Variants in DEPDC5 observed in about 807,000 individuals in gnomAD.
The protein encoded by DEPDC5 is DEP domain containing 5, GATOR1 subcomplex subunit.
Under a neutral mutation model 217.3 loss-of-function variants are expected in DEPDC5, and 73 were observed. That is an observed-to-expected ratio of 0.34 (90% confidence interval 0.28 to 0.41). DEPDC5 has a LOEUF of 0.41. DEPDC5 is among the 10% of genes least tolerant of loss of function. The pLI, the probability that DEPDC5 is intolerant of heterozygous loss-of-function variation, is 1.00. For missense variants in DEPDC5, 1,675 were observed against 2,070.1 expected (o/e 0.81, Z 3.70); for synonymous variants, 733 against 756.7 (o/e 0.97, Z 0.51).
chr22:31,802,879 A>G (rs2087030845), intron 15 of DEPDC5, 41 bp downstream of exon 15: 1 of 1,542,728 alleles, frequency 6.5e-7, no homozygotes, highest in Non-Finnish European at 8.8e-7. Flanking sequence ...ACATGTTCCT[A>G]GCCTGATTTC....
intron 9 of DEPDC5, 178 bp from the exon 10 acceptor site, chr22:31,784,636 A>G: frequency 4.3e-6 from 2 of 461,150 alleles, no homozygotes; most frequent in Non-Finnish European, 3.8e-6. Flanking sequence ...AAAAAAAAAA[A>G]GATGTACAAA....
intron 33 of DEPDC5, among the ~76,000 whole-genome samples, chr22:31,863,075 G>GGTGT (rs1185106624): frequency 6.6e-6 from 1 of 151,946 alleles, no homozygotes; most frequent in East Asian, 1.9e-4. Flanking sequence ...GTCAACTCCT[G>GGTGT]GTGTCAAGTG....
chr22:31,855,704 G>T (rs766832309), intron 31 of DEPDC5, among the ~76,000 whole-genome samples: 4 of 152,096 alleles, frequency 2.6e-5, no homozygotes. Context: ...ATGTGGGTAG[G>T]CAGGGTGTAT....
At chr22:31,879,468 A>G (rs1569185321) in intron 37 of DEPDC5, 57 bp from the exon 38 acceptor site, 2 of 1,520,576 alleles carry the variant, frequency 1.3e-6, no homozygotes, top group East Asian at 2.3e-5. Context: ...AGCATGCATC[A>G]TGAAGAAAAT....
At chr22:31,868,438 A>T (rs929015794) in intron 33 of DEPDC5, among the ~76,000 whole-genome samples, 4 of 151,798 alleles carry the variant, frequency 2.6e-5, no homozygotes, top group African/African-American at 9.7e-5. Context: ...TTATTTATTT[A>T]TTTTTTTGAG....
intron 25 of DEPDC5, among the ~76,000 whole-genome samples, chr22:31,835,299 G>A (rs1373031248): frequency 3.3e-5 from 5 of 152,152 alleles, no homozygotes; most frequent in South Asian, 2.1e-4. Flanking sequence ...CCCTGTCACC[G>A]GAGTTTGTTA....
chr22:31,859,692 C>T (rs994872391), intron 32 of DEPDC5, among the ~76,000 whole-genome samples: 5 of 152,198 alleles, frequency 3.3e-5, no homozygotes, highest in African/African-American at 7.2e-5. Context: ...CATGCGCAGC[C>T]GTAAAAACCA....
chr22:31,811,583 T>C (rs1568980863), intron 20 of DEPDC5, among the ~76,000 whole-genome samples: 1 of 151,820 alleles, frequency 6.6e-6, no homozygotes. Flanking sequence ...AGGATCTCCT[T>C]CTGTCACCCA....
chr22:31,782,861 G>A (rs2084590334), intron 8 of DEPDC5, among the ~76,000 whole-genome samples: 2 of 152,178 alleles, frequency 1.3e-5, no homozygotes, highest in Non-Finnish European at 2.9e-5. Context: ...TCTGAAACAG[G>A]GCTCAGAGTT....
rs140111109 is a variant in DEPDC5 at position 31,801,532 on chromosome 22, C to T, written c.947-1172C>T. Among the ~76,000 whole-genome samples, 9 of 152,128 alleles carry T rather than the reference C, an allele frequency of 5.9e-5. No homozygotes were observed. In the East Asian group the frequency reaches 9.7e-4, roughly 16 times the overall value. On this transcript the variant is annotated intron_variant, in intron 14 of 42. Transcript: ENST00000651528. ...GTACTGATTTAGTTTAAACAAAAAGCGAAATTTACTGTAAGGATACAGAGG... is the reference window on the plus strand; with the variant it reads ...GTACTGATTTAGTTTAAACAAAAAGTGAAATTTACTGTAAGGATACAGAGG...
intron 38 of DEPDC5, 46 bp downstream of exon 38, chr22:31,879,798 G>A: frequency 6.4e-7 from 1 of 1,562,484 alleles, no homozygotes; most frequent in Non-Finnish European, 8.7e-7. Flanking sequence ...CCAGTGGGTG[G>A]CTGCGGGAAA....
chr22:31,778,621 T>C (rs949565084), intron 8 of DEPDC5, among the ~76,000 whole-genome samples: 10 of 152,188 alleles, frequency 6.6e-5, no homozygotes, highest in Non-Finnish European at 1.2e-4. Flanking sequence ...TTGATCTTCA[T>C]TTTCTTCTGA....
At chr22:31,885,318 C>T (rs1232652387) in intron 38 of DEPDC5, among the ~76,000 whole-genome samples, 2 of 152,198 alleles carry the variant, frequency 1.3e-5, no homozygotes, top group South Asian at 2.1e-4. Context: ...GTCTGGTGTC[C>T]GTGAACACGC....
intron 4 of DEPDC5, 85 bp from the exon 5 acceptor site, chr22:31,764,890 A>T: frequency 1.0e-6 from 1 of 955,844 alleles, no homozygotes; most frequent in Non-Finnish European, 1.7e-6. Flanking sequence ...TGTGTTGCTT[A>T]CTGAGTTGAG....
At chr22:31,875,105 T>A (rs984463635) in intron 36 of DEPDC5, 3 of 161,918 alleles carry the variant, frequency 1.9e-5, no homozygotes, top group Non-Finnish European at 4.4e-5. Flanking sequence ...TGGAAGTCAG[T>A]ACTGTTTCCT....
chr22:31,788,291 T>TG (rs1491559130), intron 10 of DEPDC5, among the ~76,000 whole-genome samples: 2,669 of 127,864 alleles, frequency 0.021, 54 homozygotes, highest in South Asian at 0.037. Context: ...TTTTTTTTTT[T>TG]GAGACAGAGT....
intron 33 of DEPDC5, among the ~76,000 whole-genome samples, chr22:31,863,840 T>C (rs2092596081): frequency 6.6e-6 from 1 of 151,742 alleles, no homozygotes; most frequent in Non-Finnish European, 1.5e-5. Flanking sequence ...GGAGAATTGC[T>C]TGAACCTAGG....
rs931066309 is a variant in DEPDC5 at position 31,842,591 on chromosome 22, A to G, written c.2516-504A>G. On this transcript the variant is annotated intron_variant, in intron 27 of 42. Coordinates refer to ENST00000651528, the MANE Select transcript of DEPDC5 (RefSeq NM_001242896.3). The stretch of plus-strand genomic sequence containing the variant: ...ACTCCATCTCAAAAAAAAAAAAAAA[A>G]AAAGAAACAACATGAGCAAATATTT... 9.9e-5 allele frequency among the ~76,000 whole-genome samples: 15 copies of G among 152,036 alleles called. No individual in the cohort carries two copies. In the South Asian group the frequency reaches 1.7e-3, roughly 17 times the overall value.
At chr22:31,782,600 C>CGA (rs1404323317) in intron 8 of DEPDC5, among the ~76,000 whole-genome samples, 1 of 152,176 alleles carries the variant, frequency 6.6e-6, no homozygotes, top group Non-Finnish European at 1.5e-5. Flanking sequence ...TTGAGGCAGT[C>CGA]TGAGTGTAGT....
Sources: gnomAD v4.1 joint callset for allele counts (sites outside exome capture counted in the v4.1 genomes callset) on GRCh38, gnomAD v4.1.1 for gene constraint, MANE v1.5 for transcripts, NCBI Gene and HGNC (gene_info 2026-07-23, HGNC 2026-07-21) for gene names.